The following FPGS variants were observed in gnomAD, a reference collection of about 807,000 sequenced individuals.
FPGS encodes the protein folylpolyglutamate synthase, mitochondrial.
In FPGS, 53 loss-of-function variants were observed where a neutral mutation model predicts 66.5. The ratio of observed to expected loss-of-function variants is 0.80; its 90% CI spans 0.64 to 1.00. The LOEUF is 1.00. Among genes scored for constraint, FPGS ranks in the 50% least tolerant of loss-of-function variants. FPGS has a pLI of 0.00. For synonymous variants in FPGS, 348 were observed against 350.9 expected (o/e 0.99, Z 0.09); for missense variants, 702 against 807.7 (o/e 0.87, Z 1.59).
rs374531817 is a variant in FPGS at position 127,813,352 on chromosome 9, C to G, written c.1512C>G (p.Pro504=). ...PGGSASLLLA[P]HPPHTCSASS... ...GGTCCGCATCCCTGCTTCTGGCGCC[C>G]CACCCACCCCACACCTGCAGTGCCA... Residue 504 remains proline (P), a synonymous_variant, in exon 15 of 15, where the codon CCC becomes CCG. Transcript: ENST00000373247. The G allele has an allele frequency of 1.2e-6, 2 of 1,612,740 alleles. No individual in the cohort carries two copies. Among genetic ancestry groups the G allele is most frequent in the Non-Finnish European group, 1.7e-6 (2 of 1,179,560 alleles).
At chr9:127,809,913 C>A in intron 12 of FPGS, 79 bp downstream of exon 12, 1 of 312,864 alleles carries the variant, frequency 3.2e-6, no homozygotes, top group Non-Finnish European at 5.5e-6. Context: ...GGGGCGGGGT[C>A]GTGGGGAAGG....
rs774688472 is a variant in FPGS at position 127,808,632 on chromosome 9, G to A, written c.897G>A (p.Gly299=). Residue 299 remains glycine, a synonymous_variant, in exon 10 of 15, where the codon GGG becomes GGA. Transcript: ENST00000373247. ...GGPPLTLGLE[G]EHQRSNAALA... ...CGCCGCTGACCCTGGGCCTGGAGGG[G>A]GAGCACCAGCGGTCCAACGCCGCCT... is the stretch of plus-strand genomic sequence containing the variant. 1 of 1,611,202 alleles carries A rather than the reference G, an allele frequency of 6.2e-7. No individual in the cohort carries two copies. Among genetic ancestry groups the A allele is most frequent in the Non-Finnish European group, 8.5e-7 (1 of 1,179,336 alleles).
intron 13 of FPGS, 102 bp from the exon 14 acceptor site, chr9:127,810,843 A>G: frequency 1.6e-6 from 1 of 634,944 alleles, no homozygotes; most frequent in Non-Finnish European, 2.9e-6. Flanking sequence ...TCTAGTTGTC[A>G]GGGAGGCTGC....
chr9:127,809,590 G>C, intron 11 of FPGS, 94 bp from the exon 12 acceptor site: 2 of 1,296,672 alleles, frequency 1.5e-6, no homozygotes, highest in Non-Finnish European at 2.0e-6. Flanking sequence ...GGCGGGCGCA[G>C]CCTGCAGGGG....
At chr9:127,808,381 C>T (rs941830153) in intron 9 of FPGS, 70 bp downstream of exon 9, 8 of 1,490,068 alleles carry the variant, frequency 5.4e-6, no homozygotes, top group African/African-American at 1.4e-5. Context: ...GGCACTGCAT[C>T]CTCTGGGGCC....
At chr9:127,810,479 T>C (rs1186293192) in intron 13 of FPGS, among the ~76,000 whole-genome samples, 1 of 152,100 alleles carries the variant, frequency 6.6e-6, no homozygotes, top group African/African-American at 2.4e-5. Context: ...GGGCACCCGC[T>C]TCTCAGGTTT....
chr9:127,803,002 C>A lies in FPGS; in HGVS notation c.78C>A (p.Val26=). Residue 26 remains valine, a synonymous_variant, in exon 1 of 15, where the codon GTC becomes GTA. Coordinates refer to ENST00000373247, the MANE Select transcript of FPGS (RefSeq NM_004957.6). ...AASARGITTQ[V]AARRGLSAWP... ...CTGCGCGCGGCATAACGACCCAGGT[C>A]GCGGCGCGGCGGGGCTTGAGCGCGT... 1 of 1,465,396 alleles carries A rather than the reference C, an allele frequency of 6.8e-7. No homozygotes were observed. The highest frequency in any genetic ancestry group is 1.3e-5 in the South Asian group (1 of 75,652). 90.8% of individuals were successfully genotyped at this position (1,465,396 alleles called of 1,614,324 possible).
intron 14 of FPGS, among the ~76,000 whole-genome samples, chr9:127,812,769 C>T (rs1366196114): frequency 2.6e-5 from 4 of 152,238 alleles, no homozygotes; most frequent in East Asian, 1.9e-4. Flanking sequence ...TCAGGTGATC[C>T]GCCCGCCTCG....
rs774307420 is a variant in FPGS, at chr9:127,808,784, C to T, written c.971-16C>T. The stretch of plus-strand genomic sequence containing the variant: ...TAGGAGGGTCCCGGACACACTTGGT[C>T]TCACACACCCCGCAGGTGCTGGGGA... On this transcript the variant is annotated splice_polypyrimidine_tract_variant and intron_variant, in intron 10 of 14. Coordinates refer to ENST00000373247, the MANE Select transcript of FPGS (RefSeq NM_004957.6). The T allele has an allele frequency of 3.8e-5, 59 of 1,555,738 alleles. No individual in the cohort carries two copies. The East Asian group carries it at 9.2e-4, about 24-fold the overall frequency.
In FPGS at chr9:127,802,914, G is replaced by A. The variant is rs1268708420; in HGVS notation, c.-11G>A. On this transcript the variant is annotated 5_prime_UTR_variant, in exon 1 of 15. Coordinates refer to ENST00000373247, the MANE Select transcript of FPGS (RefSeq NM_004957.6). ...GCCCGGGCCTAGAGCGCTGCCGGGG[G>A]CGCCGGGACTATGTCGCGGGCGCGG... 2.2e-6 allele frequency: 3 copies of A among 1,361,730 alleles called. No individual in the cohort carries two copies. Among genetic ancestry groups the A allele is most frequent in the South Asian group, 1.7e-5 (1 of 58,748 alleles). The allele number at this position is 1,361,730 out of a possible 1,614,324, so 84.4% of individuals were successfully genotyped here. A position where few individuals can be genotyped will look rare whatever the true frequency, so the allele number is the denominator to read the frequency against.
Position 127,804,710 on chromosome 9 carries a change from TG to T in FPGS, c.386+11del. 6.2e-7 allele frequency: 1 copy of T among 1,613,682 alleles called. No homozygotes were observed. On this transcript the variant is annotated intron_variant, in intron 4 of 14. Coordinates refer to ENST00000373247, the MANE Select transcript of FPGS (RefSeq NM_004957.6). ...AGACGGGATTCTTTAGGTACTGGCTTGTGGGGGGATGTGGTGTCTGTGTCCC... is the reference window on the plus strand; with the variant it reads ...AGACGGGATTCTTTAGGTACTGGCTTTGGGGGGATGTGGTGTCTGTGTCCC...
chr9:127,804,991 C>G, intron 4 of FPGS: 1 of 347,884 alleles, frequency 2.9e-6, no homozygotes, highest in Non-Finnish European at 5.4e-6. Context: ...CAGGTTCAAG[C>G]AATTCTCCTG....
chr9:127,809,694 C>A lies in FPGS; in HGVS notation c.1071C>A (p.Asn357Lys), dbSNP rs370938975. 1.3e-6 allele frequency: 2 copies of A among 1,588,336 alleles called. No homozygotes were observed. Among genetic ancestry groups the A allele is most frequent in the East Asian group, 2.3e-5 (1 of 43,456 alleles). ...GCTGCCCTCCCCCAGGGCTTCGGAA[C>A]ACGGAGTGGCCGGGCCGGACGCAGG... ...PTSHMRLGLR[N>K]TEWPGRTQVL... is the part of the protein sequence containing the mutation. The change falls in exon 12 of 15, where the codon AAC becomes AAA. Residue 357 changes from asparagine (N) to lysine (K), a missense_variant. Coordinates refer to ENST00000373247, the MANE Select transcript of FPGS (RefSeq NM_004957.6).
At chr9:127,808,180 T>C in intron 8 of FPGS, 54 bp from the exon 9 acceptor site, 1 of 1,328,486 alleles carries the variant, frequency 7.5e-7, no homozygotes. Flanking sequence ...GGGCCAGAGA[T>C]AGGAGTGTGG....
rs145135639 is a variant in FPGS, at chr9:127,813,433, A to G, written c.1593A>G (p.Arg531=). 13 of 1,610,838 alleles carry G rather than the reference A, an allele frequency of 8.1e-6. No homozygotes were observed. In the African/African-American group the frequency reaches 1.6e-4, roughly 20 times the overall value. Residue 531 remains arginine, a synonymous_variant, in exon 15 of 15, where the codon CGA becomes CGG. Coordinates refer to ENST00000373247, the MANE Select transcript of FPGS (RefSeq NM_004957.6). ...SHALQWISQG[R]DPIFQPPSPP... ...CCTTGCAATGGATCAGCCAAGGCCG[A>G]GACCCCATCTTCCAGCCACCTAGTC...
Position 127,808,545 on chromosome 9 carries a change from C to T in FPGS, c.823-13C>T, listed in dbSNP as rs1829917314. On this transcript the variant is annotated splice_polypyrimidine_tract_variant and intron_variant, in intron 9 of 14. Transcript: ENST00000373247. ...AGGGCCTCTGCTGACCCGCTCCTGC[C>T]TGTCTCCCCTAGTGTCCTCTATACC... 4 of 1,612,308 alleles carry T rather than the reference C, an allele frequency of 2.5e-6. No homozygotes were observed. In the East Asian group the frequency reaches 6.7e-5, roughly 27 times the overall value.
chr9:127,807,574 C>G lies in FPGS; in HGVS notation c.642-12C>G. On this transcript the variant is annotated splice_polypyrimidine_tract_variant and intron_variant, in intron 7 of 14. Coordinates refer to ENST00000373247, the MANE Select transcript of FPGS (RefSeq NM_004957.6). The surrounding 1 kb of genome is among the most constrained non-coding windows in gnomAD (Gnocchi z 5.8). ...TCAGGGCAGGGCCTCATGGCCTTTT[C>G]CTCCCCTGCAGGAAGCCTGTGGTGT... 2 of 1,613,222 alleles carry G rather than the reference C, an allele frequency of 1.2e-6. No homozygotes were observed. Among genetic ancestry groups the G allele is most frequent in the Non-Finnish European group, 1.7e-6 (2 of 1,179,420 alleles).
At chr9:127,811,437 G>T (rs891776162) in intron 14 of FPGS, among the ~76,000 whole-genome samples, 3 of 151,828 alleles carry the variant, frequency 2.0e-5, no homozygotes, top group Non-Finnish European at 4.4e-5. Flanking sequence ...AGCCGAGATC[G>T]CGCCACTGCA....
chr9:127,802,968 C>T lies in FPGS; in HGVS notation c.44C>T (p.Ala15Val), dbSNP rs752614531. ...CACCTGCGCGCCGCTCTATTCCTGG[C>T]AGCGGCGTCTGCGCGCGGCATAACG... ...RSHLRAALFLAAASARGITTQ... is the reference protein window; with the variant it reads ...RSHLRAALFLVAASARGITTQ... Residue 15 changes from alanine to valine, a missense_variant, in exon 1 of 15, where the codon GCA (alanine) becomes GTA (valine). By Grantham distance (64) the Ala-to-Val change is moderately conservative. Transcript: ENST00000373247. 20 of 1,455,240 alleles carry T rather than the reference C, an allele frequency of 1.4e-5. No homozygotes were observed. In the South Asian group the frequency reaches 2.7e-4, roughly 20 times the overall value. 90.1% of individuals were successfully genotyped at this position (1,455,240 alleles called of 1,614,324 possible).
Sources: allele counts gnomAD v4.1 joint callset (sites outside exome capture counted in the v4.1 genomes callset), GRCh38; gene constraint gnomAD v4.1.1; non-coding constraint Gnocchi (gnomAD v3.1); transcripts MANE v1.5; gene names NCBI Gene and HGNC (gene_info 2026-07-23, HGNC 2026-07-21).